The following VGLL4 variants were observed in gnomAD, a reference collection of about 807,000 sequenced individuals.
VGLL4 encodes the protein vestigial like family member 4.
Under a neutral mutation model 21.0 loss-of-function variants are expected in VGLL4, and 7 were observed. The ratio of observed to expected loss-of-function variants is 0.33; its 90% CI spans 0.19 to 0.63. The LOEUF (loss-of-function observed/expected upper bound fraction) is 0.63, where lower values mean the gene tolerates loss of function less well. VGLL4 is among the 20% of genes least tolerant of loss of function. VGLL4 has a pLI of 0.78. For synonymous variants in VGLL4, 222 were observed against 173.2 expected (o/e 1.28, Z -2.21); for missense variants, 394 against 425.7 (o/e 0.93, Z 0.66).
In VGLL4 at chr3:11,661,222, G is replaced by C. The variant is rs147214413; in HGVS notation, c.64+41749C>G. ...CCCGACTCCACCCCAGCTCCTCCCA[G>C]TCACAACCACTCAGCAGGCTGGTAA... On this transcript the variant is annotated intron_variant, in intron 2 of 5. Coordinates refer to the VGLL4 transcript ENST00000273038. Among the ~76,000 whole-genome samples, 476 of 152,196 alleles carry C rather than the reference G, an allele frequency of 3.1e-3. 3 individuals are homozygous for C. The highest frequency in any genetic ancestry group is 0.011 in the African/African-American group (443 of 41,518).
intron 2 of VGLL4, among the ~76,000 whole-genome samples, chr3:11,677,034 G>A (rs1307572818): frequency 6.6e-6 from 1 of 152,122 alleles, no homozygotes; most frequent in South Asian, 2.1e-4. Flanking sequence ...TGCAACACAT[G>A]CATTTATGGC....
chr3:11,695,033 G>A (rs990828070), intron 2 of VGLL4, among the ~76,000 whole-genome samples: 7 of 151,298 alleles, frequency 4.6e-5, no homozygotes, highest in African/African-American at 1.7e-4. Context: ...TTGTACTTAC[G>A]TAAGGGAATG....
chr3:11,697,012 G>C (rs2076614643), intron 2 of VGLL4, among the ~76,000 whole-genome samples: 1 of 152,062 alleles, frequency 6.6e-6, no homozygotes, highest in Non-Finnish European at 1.5e-5. Flanking sequence ...CAAAGTGCTG[G>C]GATTAGAGGT....
At chr3:11,720,115 A>C (rs1023580522) in intron 1 of VGLL4, among the ~76,000 whole-genome samples, 1 of 151,884 alleles carries the variant, frequency 6.6e-6, no homozygotes, top group Admixed American at 6.6e-5. Flanking sequence ...TCACAGTCCA[A>C]CCAGACCCGT....
chr3:11,559,236 G>A, intron 4 of VGLL4, 96 bp downstream of exon 4: 1 of 1,446,212 alleles, frequency 6.9e-7, no homozygotes, highest in South Asian at 1.5e-5. Context: ...CAATAGATGG[G>A]CTCAGGGGCG....
intron 2 of VGLL4, among the ~76,000 whole-genome samples, chr3:11,573,361 AAG>A (rs1427286322): frequency 5.9e-5 from 7 of 118,762 alleles, no homozygotes; most frequent in African/African-American, 1.1e-4. Context: ...GAAAGAAAGA[AAG>A]AAAGAAAGAA....
chr3:11,627,364 G>C (rs2075374344), intron 1 of VGLL4: 1 of 152,056 alleles, frequency 6.6e-6, no homozygotes, highest in Admixed American at 6.6e-5. Context: ...GATCATCTAA[G>C]GTCAGGAGTT....
chr3:11,647,853 A>C (rs1313477694), upstream of VGLL4, among the ~76,000 whole-genome samples: 1 of 152,028 alleles, frequency 6.6e-6, no homozygotes, highest in African/African-American at 2.4e-5. Flanking sequence ...CCCCATCCCT[A>C]CTTCCAGCAC....
At position 11,582,221 on chromosome 3, in the gene VGLL4, G is replaced by A. The variant is rs564793498; in HGVS notation, c.273-17202C>T. 28 of 1,551,876 alleles carry A rather than the reference G, an allele frequency of 1.8e-5. No individual in the cohort carries two copies. The East Asian group carries it at 5.5e-4, about 30-fold the overall frequency. On this transcript the variant is annotated intron_variant, in intron 2 of 4. Coordinates refer to ENST00000430365, the MANE Select transcript of VGLL4 (RefSeq NM_001128219.3). ...TAAATTAATTACAGCTGAAAATACA[G>A]GGTTGCCATCTGGTTTGAAAAAGCA...
chr3:11,712,570 TAAA>T (rs1164462473), intron 1 of VGLL4, among the ~76,000 whole-genome samples: 2 of 151,270 alleles, frequency 1.3e-5, no homozygotes, highest in Non-Finnish European at 3.0e-5. Context: ...TTCTACAGAT[TAAA>T]AAAAAAGAAA....
intron 2 of VGLL4, among the ~76,000 whole-genome samples, chr3:11,601,104 G>A (rs1379668868): frequency 6.6e-6 from 1 of 152,214 alleles, no homozygotes; most frequent in Non-Finnish European, 1.5e-5. Context: ...CGGGTGCACG[G>A]AAGCGGGAGG....
At chr3:11,589,458 T>C (rs114107774) in intron 2 of VGLL4, among the ~76,000 whole-genome samples, 11 of 152,132 alleles carry the variant, frequency 7.2e-5, no homozygotes, top group African/African-American at 2.7e-4. Context: ...TACTTAAACT[T>C]TACAGCACCA....
chr3:11,712,844 A>G (rs1321570779), intron 1 of VGLL4, among the ~76,000 whole-genome samples: 1 of 152,184 alleles, frequency 6.6e-6, no homozygotes. Context: ...GAGCAAGGGG[A>G]AGCAAGCCCT....
intron 1 of VGLL4, among the ~76,000 whole-genome samples, chr3:11,705,435 C>T (rs1575548288): frequency 6.6e-6 from 1 of 152,246 alleles, no homozygotes; most frequent in African/African-American, 2.4e-5. Context: ...CCTCCTAACA[C>T]ACGCACATGT....
chr3:11,587,815 A>G (rs1204042311), intron 2 of VGLL4, among the ~76,000 whole-genome samples: 1 of 151,520 alleles, frequency 6.6e-6, no homozygotes, highest in Non-Finnish European at 1.5e-5. Flanking sequence ...AATACAGAGG[A>G]GTGAAAAAAA....
intron 1 of VGLL4, chr3:11,604,495 T>C (rs1575442973): frequency 1.0e-6 from 1 of 955,786 alleles, no homozygotes; most frequent in Admixed American, 6.7e-5. Flanking sequence ...TTATGCATCT[T>C]TGGGGCCCCT....
At chr3:11,593,571 AAAAACAAAAC>A (rs57030582) in intron 2 of VGLL4, among the ~76,000 whole-genome samples, 8 of 151,776 alleles carry the variant, frequency 5.3e-5, no homozygotes, top group Non-Finnish European at 1.2e-4. Context: ...AGGGCCAGGA[AAAAACAAAAC>A]AAAACAAAAC....
intron 2 of VGLL4, among the ~76,000 whole-genome samples, chr3:11,586,484 A>G (rs868808942): frequency 3.3e-5 from 5 of 152,226 alleles, no homozygotes; most frequent in Non-Finnish European, 7.3e-5. Flanking sequence ...CACAGATTCA[A>G]CCGATCATGG....
chr3:11,564,041 T>C (rs920263144), intron 3 of VGLL4, among the ~76,000 whole-genome samples: 1 of 152,142 alleles, frequency 6.6e-6, no homozygotes, highest in Non-Finnish European at 1.5e-5. Flanking sequence ...GGCACCATCC[T>C]CTCTGTCAGT....
Sources: allele counts gnomAD v4.1 joint callset (sites outside exome capture counted in the v4.1 genomes callset), GRCh38; gene constraint gnomAD v4.1.1; transcripts MANE v1.5; gene names NCBI Gene and HGNC (gene_info 2026-07-23, HGNC 2026-07-21).